C5orf58: variants seen among roughly 807,000 people sequenced by gnomAD.
C5orf58 encodes the protein putative uncharacterized protein C5orf58.
C5orf58 carries 2 observed loss-of-function variants against 2.9 expected under a neutral mutation model. The ratio of observed to expected loss-of-function variants is 0.69; its 90% CI spans 0.28 to 2.18. C5orf58 has a LOEUF of 2.18. C5orf58 is among the 30% of genes most tolerant of loss of function. C5orf58 has a pLI of 0.13. For missense variants in C5orf58, 96 were observed against 91.7 expected, an observed-to-expected ratio of 1.05 and a Z score of -0.19; for synonymous variants, 37 against 33.4, an observed-to-expected ratio of 1.11 and a Z score of -0.37.
Position 170,235,067 on chromosome 5 carries a change from A to G in C5orf58, c.91A>G (p.Lys31Glu). 1 of 1,399,520 alleles carries G rather than the reference A, an allele frequency of 7.1e-7. No homozygotes were observed. Among genetic ancestry groups the G allele is most frequent in the South Asian group, 1.2e-5 (1 of 80,140 alleles). The allele number at this position is 1,399,520 out of a possible 1,614,324, so 86.7% of individuals were successfully genotyped here. The change falls in exon 3 of 4, where the codon AAA becomes GAA. Residue 31 changes from lysine to glutamate, a missense_variant. By Grantham distance (56) the Lys-to-Glu change is moderately conservative. Coordinates refer to ENST00000593851, the MANE Select transcript of C5orf58 (RefSeq NM_001102609.3). ...NTISSELKKIKELSQLLLCDL... is the reference protein window; with the variant it reads ...NTISSELKKIEELSQLLLCDL... ...AATTTCTTCGGAGTTGAAGAAGATA[A>G]AAGGTAAGTATTGAATCACTAAAAT...
At chr5:170,233,614 G>A (rs1384740775) in intron 1 of C5orf58, 1 of 157,986 alleles carries the variant, frequency 6.3e-6, no homozygotes, top group Non-Finnish European at 1.4e-5. Context: ...CCTTGAGTCA[G>A]CGACATCCTG....
At chr5:170,252,156 T>C (rs1761458847) in exon 3 of C5orf58, 1 of 259,524 alleles carries the variant, frequency 3.9e-6, no homozygotes, top group African/African-American at 2.2e-5. Context: ...GTGATTCCTA[T>C]GACAAGACAG....
At chr5:170,242,954 T>A (rs1299413320) in intron 3 of C5orf58, among the ~76,000 whole-genome samples, 3 of 140,582 alleles carry the variant, frequency 2.1e-5, no homozygotes, top group East Asian at 4.2e-4. Context: ...TTTGAATGCG[T>A]CCCAGAGATT....
intron 3 of C5orf58, among the ~76,000 whole-genome samples, chr5:170,244,244 A>C (rs1375228786): frequency 8.3e-5 from 12 of 144,180 alleles, no homozygotes; most frequent in East Asian, 4.1e-4. Context: ...GGTGAATCTG[A>C]CAATTATGTG....
intron 3 of C5orf58, among the ~76,000 whole-genome samples, chr5:170,245,269 G>A (rs1761213002): frequency 1.3e-5 from 2 of 152,222 alleles, no homozygotes; most frequent in Admixed American, 6.5e-5. Flanking sequence ...TACAGAGGCA[G>A]GCAGGCCTCT....
At chr5:170,252,433 C>T (rs769110942), downstream of C5orf58, 1 of 1,530,978 alleles carries the variant, frequency 6.5e-7, no homozygotes, top group Non-Finnish European at 9.0e-7. Context: ...TAGCACAATA[C>T]CTGGTTTATC....
intron 3 of C5orf58, among the ~76,000 whole-genome samples, chr5:170,241,637 G>T (rs1019414687): frequency 6.6e-6 from 1 of 151,126 alleles, no homozygotes; most frequent in Non-Finnish European, 1.5e-5. Context: ...TGTATCCTGA[G>T]ACTTTGCTGA....
downstream of C5orf58, chr5:170,248,578 CTTGTG>C: frequency 9.8e-7 from 1 of 1,021,012 alleles, no homozygotes; most frequent in Non-Finnish European, 1.5e-6. Flanking sequence ...GGATAAAACC[CTTGTG>C]TTCATGGGGA....
chr5:170,245,547 C>T (rs1428521844), intron 3 of C5orf58, among the ~76,000 whole-genome samples: 2 of 152,168 alleles, frequency 1.3e-5, no homozygotes, highest in Admixed American at 1.3e-4. Flanking sequence ...CAGGTGCGTC[C>T]GTCACCCCTT....
At chr5:170,236,015 T>C (rs10037431) in intron 3 of C5orf58, among the ~76,000 whole-genome samples, 6,136 of 152,148 alleles carry the variant, frequency 0.04, 360 homozygotes, top group African/African-American at 0.13. Context: ...TGCTCATATA[T>C]AGACAGTCTC....
chr5:170,250,907 A>C (rs114990719), downstream of C5orf58: 14,254 of 1,607,818 alleles, frequency 8.9e-3, 405 homozygotes, highest in African/African-American at 0.094. Context: ...AATTCCTGTT[A>C]TTATGGGAGC....
Position 170,246,004 on chromosome 5 carries a change from A to G in C5orf58, c.137A>G (p.Asn46Ser). 6.2e-7 allele frequency: 1 copy of G among 1,613,794 alleles called. No individual in the cohort carries two copies. The highest frequency in any genetic ancestry group is 8.5e-7 in the Non-Finnish European group (1 of 1,179,776). Residue 46 changes from asparagine (N) to serine (S), a missense_variant, in exon 4 of 4, where the codon AAT becomes AGT. Transcript: ENST00000593851. ...LLLCDLILHF[N>S]HPIKTENLAE... ...CTTTGTGACCTTATCCTACATTTTA[A>G]TCATCCCATCAAGACTGAGAACTTA...
downstream of C5orf58, chr5:170,248,667 AGGAC>A (rs1761354213): frequency 1.2e-6 from 2 of 1,600,430 alleles, no homozygotes; most frequent in Non-Finnish European, 1.7e-6. Context: ...CAGAGGCAGG[AGGAC>A]GGTTCATTTG....
downstream of C5orf58, chr5:170,248,501 TGAA>T (rs1335508447): frequency 1.5e-5 from 8 of 548,950 alleles, no homozygotes; most frequent in Non-Finnish European, 2.3e-5. Context: ...TTACAAACAT[TGAA>T]GAAGAATAAA....
At chr5:170,249,155 C>G (rs965344379), downstream of C5orf58, among the ~76,000 whole-genome samples, 5 of 151,948 alleles carry the variant, frequency 3.3e-5, no homozygotes, top group Non-Finnish European at 7.4e-5. Flanking sequence ...AACCCTGTCT[C>G]TACTAGAAAA....
In C5orf58 at chr5:170,238,552, G is replaced by T. The variant is rs376065158; in HGVS notation, c.94+3482G>T. 1.8e-4 allele frequency among the ~76,000 whole-genome samples: 28 copies of T among 152,206 alleles called. No homozygotes were observed. In the South Asian group the frequency reaches 4.1e-3, roughly 23 times the overall value. The stretch of plus-strand genomic sequence containing the variant: ...AAGGGCAATTCATTAAAGAAATAAA[G>T]AAAACTTCCTAGAGTTGAAGGGCAT... On this transcript the variant is annotated intron_variant, in intron 3 of 3. Coordinates refer to ENST00000593851, the MANE Select transcript of C5orf58 (RefSeq NM_001102609.3).
At chr5:170,236,543 T>C (rs1272006392) in intron 3 of C5orf58, among the ~76,000 whole-genome samples, 1 of 152,230 alleles carries the variant, frequency 6.6e-6, no homozygotes, top group Non-Finnish European at 1.5e-5. Context: ...AAAACCCTCA[T>C]TGGCTCACCA....
rs1168570480 is a variant in C5orf58 at position 170,234,965 on chromosome 5, T to G, written c.1-12T>G. On this transcript the variant is annotated splice_polypyrimidine_tract_variant and intron_variant, in intron 2 of 3. Transcript: ENST00000593851. ...GATTTATACATTGTTTCTGTTTTTC[T>G]TTTAAAATCAGATGGGTAAGAAGCG... The G allele has an allele frequency of 1.5e-6, 2 of 1,331,366 alleles. No homozygotes were observed. The highest frequency in any genetic ancestry group is 2.1e-6 in the Non-Finnish European group (2 of 954,592). 82.5% of individuals were successfully genotyped at this position (1,331,366 alleles called of 1,614,324 possible). A position where few individuals can be genotyped will look rare whatever the true frequency, so the allele number is the denominator to read the frequency against.
At chr5:170,252,319 G>C (rs1761462544), downstream of C5orf58, 3 of 564,032 alleles carry the variant, frequency 5.3e-6, no homozygotes, top group Non-Finnish European at 9.5e-6. Context: ...AGGTATTACA[G>C]AAAGCAACAG....
Sources: gnomAD v4.1 joint callset for allele counts (sites outside exome capture counted in the v4.1 genomes callset) on GRCh38, gnomAD v4.1.1 for gene constraint, MANE v1.5 for transcripts, NCBI Gene and HGNC (gene_info 2026-07-23, HGNC 2026-07-21) for gene names.